The following HECW1 variants were observed in gnomAD, a reference collection of about 807,000 sequenced individuals.
HECW1 encodes the protein HECT, C2 and WW domain containing E3 ubiquitin protein ligase 1, also known as E3 ubiquitin-protein ligase HECW1.
HECW1 carries 61 observed loss-of-function variants against 182.3 expected under a neutral mutation model. The ratio of observed to expected loss-of-function variants is 0.33; its 90% CI spans 0.27 to 0.41. The LOEUF (loss-of-function observed/expected upper bound fraction) is 0.41. Ranked by LOEUF, HECW1 falls within the 10% of genes least tolerant of loss-of-function variation. The pLI, the probability that HECW1 is intolerant of heterozygous loss-of-function variation, is 1.00. For synonymous variants in HECW1, 859 were observed against 832.6 expected, an observed-to-expected ratio of 1.03 and a Z score of -0.55; for missense variants, 1,739 against 2,108.9, an observed-to-expected ratio of 0.82 and a Z score of 3.44.
At position 43,145,666 on chromosome 7, in the gene HECW1, T is replaced by C. The variant is rs554047408; in HGVS notation, c.-32+31275T>C. Among the ~76,000 whole-genome samples the C allele has an allele frequency of 2.6e-5, 4 of 152,308 alleles. No individual in the cohort carries two copies. In the South Asian group the frequency reaches 6.2e-4, roughly 24 times the overall value. On this transcript the variant is annotated intron_variant, in intron 2 of 29. Coordinates refer to ENST00000395891, the MANE Select transcript of HECW1 (RefSeq NM_015052.5). ...CTAGAGAATATGTCTCTGCCCTTAA[T>C]TGAAAAGTCTGTATGCTCTCATGTA...
intron 3 of HECW1, among the ~76,000 whole-genome samples, chr7:43,308,129 TATATA>T (rs1305031662): frequency 2.5e-4 from 26 of 105,142 alleles, no homozygotes; most frequent in African/African-American, 9.2e-4. Context: ...AATATATTTA[TATATA>T]ATATATTATA....
chr7:43,192,823 C>T (rs1388982536), intron 2 of HECW1, among the ~76,000 whole-genome samples: 1 of 152,112 alleles, frequency 6.6e-6, no homozygotes, highest in Non-Finnish European at 1.5e-5. Flanking sequence ...GGGATTCAGC[C>T]TGGAAAGCCA....
At chr7:43,160,618 T>C (rs1056618481) in intron 2 of HECW1, among the ~76,000 whole-genome samples, 4 of 152,190 alleles carry the variant, frequency 2.6e-5, no homozygotes, top group African/African-American at 9.6e-5. Context: ...TTTTGGAGTT[T>C]CTTTCGTTCC....
chr7:43,229,762 G>A (rs780514025), intron 2 of HECW1, among the ~76,000 whole-genome samples: 3 of 152,210 alleles, frequency 2.0e-5, no homozygotes, highest in Non-Finnish European at 4.4e-5. Flanking sequence ...ATTTCCGAGT[G>A]TCTCTCCACA....
intron 19 of HECW1, among the ~76,000 whole-genome samples, chr7:43,496,522 C>T (rs559365609): frequency 3.7e-4 from 57 of 152,252 alleles, no homozygotes; most frequent in African/African-American, 1.2e-3. Flanking sequence ...AGGCATCCAC[C>T]TGCCCCTGAG....
chr7:43,260,299 G>A (rs1190160122), intron 3 of HECW1, among the ~76,000 whole-genome samples: 2 of 152,134 alleles, frequency 1.3e-5, no homozygotes, highest in African/African-American at 2.4e-5. Flanking sequence ...AGAAGCGTGA[G>A]ATGTTAAGTA....
At chr7:43,173,929 T>C (rs1485821999) in intron 2 of HECW1, among the ~76,000 whole-genome samples, 1 of 152,012 alleles carries the variant, frequency 6.6e-6, no homozygotes, top group Non-Finnish European at 1.5e-5. Flanking sequence ...AGACTACGAC[T>C]CCTGGCTCAT....
chr7:43,480,827 C>T (rs1217557359), intron 17 of HECW1, among the ~76,000 whole-genome samples: 1 of 152,048 alleles, frequency 6.6e-6, no homozygotes, highest in African/African-American at 2.4e-5. Flanking sequence ...ATTCACCCTG[C>T]AGCCACCTCC....
chr7:43,469,053 C>A lies in HECW1; in HGVS notation c.3047C>A (p.Thr1016Asn). The A allele has an allele frequency of 6.2e-7, 1 of 1,614,212 alleles. No individual in the cohort carries two copies. Among genetic ancestry groups the A allele is most frequent in the Non-Finnish European group, 8.5e-7 (1 of 1,180,038 alleles). Residue 1016 changes from threonine (T) to asparagine (N), a missense_variant, in exon 16 of 30, where the codon ACT becomes AAT. Thr to Asn is a moderately conservative substitution (Grantham distance 65, BLOSUM62 0). Around this residue, in one of 5 missense-constraint regions of HECW1, gnomAD observed 971 missense variants for 1,029.1 expected, o/e 0.94. Transcript: ENST00000395891. ...AATTTCATCAACATGTTCGCAGACACTCGGCTGGAACTGCCCCGGGGCTGG... is the reference window on the plus strand; with the variant it reads ...AATTTCATCAACATGTTCGCAGACAATCGGCTGGAACTGCCCCGGGGCTGG... ...LVNFINMFAD[T>N]RLELPRGWEI...
At chr7:43,187,104 G>A (rs1287814943) in intron 2 of HECW1, among the ~76,000 whole-genome samples, 1 of 152,136 alleles carries the variant, frequency 6.6e-6, no homozygotes, top group Non-Finnish European at 1.5e-5. Flanking sequence ...TGGTCTGCAG[G>A]GTCTGCTCCT....
At chr7:43,477,191 T>A (rs1428784602) in intron 16 of HECW1, among the ~76,000 whole-genome samples, 2 of 152,174 alleles carry the variant, frequency 1.3e-5, no homozygotes, top group South Asian at 2.1e-4. Context: ...GAGAGCATTA[T>A]AAAGAGGAAG....
intron 3 of HECW1, among the ~76,000 whole-genome samples, chr7:43,307,983 G>T (rs144865440): frequency 8.7e-6 from 1 of 115,070 alleles, no homozygotes; most frequent in African/African-American, 3.4e-5. Flanking sequence ...ATATATTATA[G>T]AACATATAAT....
intron 3 of HECW1, among the ~76,000 whole-genome samples, chr7:43,289,989 G>A (rs148502989): frequency 2.0e-4 from 31 of 152,318 alleles, no homozygotes; most frequent in Middle Eastern, 3.4e-3. Context: ...AGGATAAAGC[G>A]GGTTGTGGAG....
At chr7:43,455,700 A>G (rs1015969969) in intron 12 of HECW1, among the ~76,000 whole-genome samples, 3 of 152,202 alleles carry the variant, frequency 2.0e-5, no homozygotes, top group Non-Finnish European at 4.4e-5. Flanking sequence ...TCGTCACACC[A>G]TCACACCATC....
At chr7:43,138,210 G>C in intron 2 of HECW1, among the ~76,000 whole-genome samples, 1 of 152,234 alleles carries the variant, frequency 6.6e-6, no homozygotes, top group Non-Finnish European at 1.5e-5. Context: ...AATTGCTGCT[G>C]CCCGGACTGG....
chr7:43,445,744 G>A (rs2152879496), intron 11 of HECW1, among the ~76,000 whole-genome samples, 174 bp downstream of exon 11: 1 of 152,322 alleles, frequency 6.6e-6, no homozygotes, highest in East Asian at 1.9e-4. Flanking sequence ...GAGCATAGAT[G>A]ACTGTGAGTA....
At chr7:43,157,417 TTAAAA>T (rs1790003526) in intron 2 of HECW1, among the ~76,000 whole-genome samples, 1 of 152,236 alleles carries the variant, frequency 6.6e-6, no homozygotes, top group Non-Finnish European at 1.5e-5. Context: ...GAGTAGACTA[TTAAAA>T]TAATAATTTT....
intron 5 of HECW1, 71 bp downstream of exon 5, chr7:43,320,813 T>A: frequency 1.7e-6 from 2 of 1,150,238 alleles, no homozygotes; most frequent in East Asian, 4.7e-5. Flanking sequence ...TCATTATTTG[T>A]TCCCGTTGCA....
intron 2 of HECW1, among the ~76,000 whole-genome samples, chr7:43,227,637 GTTAA>G (rs1486038822): frequency 6.6e-6 from 1 of 151,930 alleles, no homozygotes; most frequent in Non-Finnish European, 1.5e-5. Flanking sequence ...CTATTTTTCT[GTTAA>G]TTGACATTTT....
Sources: allele counts gnomAD v4.1 joint callset (sites outside exome capture counted in the v4.1 genomes callset), GRCh38; gene constraint gnomAD v4.1.1; regional missense constraint gnomAD v4.1.1; transcripts MANE v1.5; gene names NCBI Gene and HGNC (gene_info 2026-07-23, HGNC 2026-07-21).